Variants in CCDC149 observed in about 807,000 individuals in gnomAD.
CCDC149 encodes coiled-coil domain containing 149, also known as coiled-coil domain-containing protein 149.
CCDC149 carries 45 observed loss-of-function variants against 59.9 expected under a neutral mutation model. That is an observed-to-expected ratio of 0.75 (90% CI 0.59 to 0.96). The LOEUF (loss-of-function observed/expected upper bound fraction) is 0.96. CCDC149 is among the 40% of genes least tolerant of loss of function. The pLI is 0.00. For synonymous variants in CCDC149, 245 were observed against 260.6 expected (o/e 0.94, Z 0.58); for missense variants, 584 against 664.7 (o/e 0.88, Z 1.33).
intron 4 of CCDC149, among the ~76,000 whole-genome samples, chr4:24,851,159 T>A (rs1029672916): frequency 6.6e-6 from 1 of 152,344 alleles, no homozygotes; most frequent in South Asian, 2.1e-4. Context: ...TCAGAGAGCA[T>A]GCAGATCAGA....
At chr4:24,844,250 T>A (rs1717120182) in intron 4 of CCDC149, among the ~76,000 whole-genome samples, 1 of 152,130 alleles carries the variant, frequency 6.6e-6, no homozygotes, top group Non-Finnish European at 1.5e-5. Flanking sequence ...CACCTTGTCC[T>A]CCACAACCGT....
chr4:24,960,064 G>T (rs1367067435), intron 1 of CCDC149, among the ~76,000 whole-genome samples: 2 of 152,220 alleles, frequency 1.3e-5, no homozygotes, highest in South Asian at 4.2e-4. Context: ...TAATCACAAT[G>T]AATTGTGGAG....
chr4:24,842,840 T>A (rs1179307516), intron 4 of CCDC149, among the ~76,000 whole-genome samples: 1 of 152,172 alleles, frequency 6.6e-6, no homozygotes, highest in Non-Finnish European at 1.5e-5. Flanking sequence ...CAACATTCTC[T>A]ACCTCATCCT....
In CCDC149 at chr4:24,834,936, A is replaced by G; in HGVS notation, c.820+12T>C. On this transcript the variant is annotated intron_variant, in intron 8 of 12. Coordinates refer to ENST00000635206, the MANE Select transcript of CCDC149 (RefSeq NM_001330643.2). ...GCTCATGAGCGGTCTCTCCTGGAGC[A>G]TGATATCCTACCTTGCTTTGCAGAC... 1.2e-6 allele frequency: 2 copies of G among 1,603,356 alleles called. No individual in the cohort carries two copies. The highest frequency in any genetic ancestry group is 1.7e-6 in the Non-Finnish European group (2 of 1,170,750).
At chr4:24,876,334 CACACACAGAGAG>C (rs1346602372) in intron 2 of CCDC149, among the ~76,000 whole-genome samples, 190 bp downstream of exon 2, 2 of 122,368 alleles carry the variant, frequency 1.6e-5, no homozygotes, top group African/African-American at 7.8e-5. Context: ...CACACACACA[CACACACAGAGAG>C]AGAGAGAGAG....
intron 3 of CCDC149, among the ~76,000 whole-genome samples, chr4:24,872,455 A>C (rs1719100222): frequency 6.6e-6 from 1 of 152,152 alleles, no homozygotes; most frequent in Non-Finnish European, 1.5e-5. Context: ...TTACCCGCCA[A>C]ATGGTATCTA....
chr4:24,952,339 C>T (rs1723314577), intron 1 of CCDC149, among the ~76,000 whole-genome samples: 1 of 151,874 alleles, frequency 6.6e-6, no homozygotes, highest in Admixed American at 6.6e-5. Context: ...TCCCTGTAAT[C>T]CCAGCATTTT....
At chr4:24,953,225 A>G (rs1343253994) in intron 1 of CCDC149, among the ~76,000 whole-genome samples, 3 of 152,232 alleles carry the variant, frequency 2.0e-5, no homozygotes, top group Admixed American at 2.0e-4. Flanking sequence ...ATCAGTGATC[A>G]GAACACAGAT....
At chr4:24,977,746 T>G (rs1404971716) in intron 1 of CCDC149, among the ~76,000 whole-genome samples, 3 of 152,192 alleles carry the variant, frequency 2.0e-5, no homozygotes, top group African/African-American at 7.2e-5. Context: ...TAGGTCTGCC[T>G]GTTAGGAATA....
chr4:24,808,159 C>T lies in CCDC149; in HGVS notation c.*230G>A. ...GCCTGGCCCTGTTCACAGTAGCACT[C>T]TCTGGCAGAAAAGAGATGACACTGA... On this transcript the variant is annotated 3_prime_UTR_variant, in exon 13 of 13. Transcript: ENST00000635206. The T allele has an allele frequency of 2.6e-6, 1 of 377,630 alleles. No individual in the cohort carries two copies. The highest frequency in any genetic ancestry group is 4.7e-6 in the Non-Finnish European group (1 of 212,950). The allele number at this position is 377,630 out of a possible 1,614,324, so 23.4% of individuals were successfully genotyped here. A position where few individuals can be genotyped will look rare whatever the true frequency, so the allele number is the denominator to read the frequency against.
intron 12 of CCDC149, among the ~76,000 whole-genome samples, chr4:24,818,004 A>G (rs1364363337): frequency 6.6e-6 from 1 of 152,140 alleles, no homozygotes; most frequent in East Asian, 1.9e-4. Context: ...CGGTACTCCA[A>G]AAACTTTATT....
At chr4:24,809,739 G>T (rs1355628164) in intron 12 of CCDC149, among the ~76,000 whole-genome samples, 1 of 152,224 alleles carries the variant, frequency 6.6e-6, no homozygotes, top group Non-Finnish European at 1.5e-5. Flanking sequence ...ACATGTCCTG[G>T]ACCAGGAATG....
intron 1 of CCDC149, among the ~76,000 whole-genome samples, chr4:24,927,530 A>G (rs1328406326): frequency 1.3e-5 from 2 of 152,252 alleles, no homozygotes; most frequent in Non-Finnish European, 2.9e-5. Flanking sequence ...ACTTCTGTAA[A>G]TGTAAATCTT....
At chr4:24,853,315 G>A (rs890894685) in intron 3 of CCDC149, 136 bp from the exon 4 acceptor site, 4 of 678,326 alleles carry the variant, frequency 5.9e-6, no homozygotes, top group Non-Finnish European at 7.8e-6. Flanking sequence ...ACACATATAT[G>A]AATGCAGCCA....
At chr4:24,886,873 G>A (rs890665797) in intron 1 of CCDC149, among the ~76,000 whole-genome samples, 12 of 152,038 alleles carry the variant, frequency 7.9e-5, no homozygotes, top group Non-Finnish European at 1.5e-4. Context: ...TAGGTAATCA[G>A]TGACACACGA....
At chr4:24,852,928 A>G (rs1717755106) in intron 4 of CCDC149, 144 bp downstream of exon 4, 5 of 624,770 alleles carry the variant, frequency 8.0e-6, no homozygotes, top group African/African-American at 1.8e-5. Flanking sequence ...AAGATACGCT[A>G]AACTGCGAAT....
intron 1 of CCDC149, among the ~76,000 whole-genome samples, chr4:24,954,700 A>T (rs1197283221): frequency 6.6e-6 from 1 of 152,182 alleles, no homozygotes; most frequent in African/African-American, 2.4e-5. Context: ...CCCCCTCCCT[A>T]GAAACAGTTC....
intron 3 of CCDC149, among the ~76,000 whole-genome samples, chr4:24,861,636 T>TA (rs59229079): frequency 0.84 from 126,922 of 150,270 alleles, 53,661 homozygotes; most frequent in South Asian, 0.91. Context: ...CTACTGAAAT[T>TA]AAAAAAAAAA....
At chr4:24,892,982 G>C (rs2109289268) in intron 1 of CCDC149, among the ~76,000 whole-genome samples, 1 of 152,276 alleles carries the variant, frequency 6.6e-6, no homozygotes. Context: ...AGAGAGAAAA[G>C]GGGGCTGATC....
Sources: allele counts gnomAD v4.1 joint callset (sites outside exome capture counted in the v4.1 genomes callset), GRCh38; gene constraint gnomAD v4.1.1; transcripts MANE v1.5; gene names NCBI Gene and HGNC (gene_info 2026-07-23, HGNC 2026-07-21).